Variants in PCDHA1 observed in about 807,000 individuals in gnomAD.
PCDHA1 encodes the protein protocadherin alpha 1, also known as protocadherin alpha-1.
Under a neutral mutation model 61.3 loss-of-function variants are expected in PCDHA1, and 42 were observed. The observed-to-expected ratio is 0.69, with a 90% CI of 0.54 to 0.89. PCDHA1 has a LOEUF of 0.89. Among genes scored for constraint, PCDHA1 ranks in the 40% least tolerant of loss-of-function variants. PCDHA1 has a pLI of 0.00. For missense variants in PCDHA1, 1,256 were observed against 1,235.3 expected (o/e 1.02, Z -0.25); for synonymous variants, 610 against 553.8 (o/e 1.10, Z -1.43).
chr5:140,808,751 C>T (rs782107494), intron 1 of PCDHA1: 1 of 1,612,214 alleles, frequency 6.2e-7, no homozygotes, highest in South Asian at 1.1e-5. Flanking sequence ...CGCGCTGCAG[C>T]CGCTGGACCA....
Position 140,787,112 on chromosome 5 carries a change from T to C in PCDHA1, c.822T>C (p.Asn274=). ...CCTCTGATGCTGACGAAGGTGTAAA[T>C]GGTGAAGTCGTCTTTTCCTTTGACA... ...LNASDADEGV[N]GEVVFSFDSG... is the part of the protein sequence containing the mutation. Residue 274 remains asparagine, a synonymous_variant, in exon 1 of 4, where the codon AAT becomes AAC. Transcript: ENST00000504120. 2.5e-6 allele frequency: 4 copies of C among 1,614,182 alleles called. No homozygotes were observed. The highest frequency in any genetic ancestry group is 2.5e-6 in the Non-Finnish European group (3 of 1,180,020).
chr5:140,928,798 G>A lies in PCDHA1; in HGVS notation c.2395-50151G>A, dbSNP rs1015507486. On this transcript the variant is annotated intron_variant, in intron 1 of 3. Transcript: ENST00000504120. ...TGATGCAGTTAAGCAGAGGGTGGTGGTAGTGGTTCGGGACCATGGAGACCC... is the reference window on the plus strand; with the variant it reads ...TGATGCAGTTAAGCAGAGGGTGGTGATAGTGGTTCGGGACCATGGAGACCC... 2.4e-5 allele frequency: 38 copies of A among 1,614,046 alleles called. No homozygotes were observed. Among genetic ancestry groups the A allele is most frequent in the Non-Finnish European group, 3.2e-5 (38 of 1,180,052 alleles).
intron 1 of PCDHA1, chr5:140,823,820 C>T (rs2150129375): frequency 1.2e-6 from 2 of 1,613,790 alleles, no homozygotes; most frequent in South Asian, 1.1e-5. Flanking sequence ...TCGCGGGCGT[C>T]GGCGGGCGCT....
At chr5:140,962,854 G>A (rs1396651838) in intron 1 of PCDHA1, among the ~76,000 whole-genome samples, 7 of 152,054 alleles carry the variant, frequency 4.6e-5, no homozygotes, top group African/African-American at 9.7e-5. Flanking sequence ...ACTTGTGCTC[G>A]GTTTGTAGAG....
At chr5:140,852,355 G>A in intron 1 of PCDHA1, 1 of 208,524 alleles carries the variant, frequency 4.8e-6, no homozygotes, top group Non-Finnish European at 9.3e-6. Context: ...TTGGCTCACT[G>A]CAACGTCTGC....
chr5:140,786,681 C>T lies in PCDHA1; in HGVS notation c.391C>T (p.Pro131Ser). 4 of 1,614,240 alleles carry T rather than the reference C, an allele frequency of 2.5e-6. No homozygotes were observed. The highest frequency in any genetic ancestry group is 3.4e-6 in the Non-Finnish European group (4 of 1,180,042). ...VKVKDINDNP[P>S]VFRGREQIIF... ...GGTGAAAGACATTAACGATAATCCA[C>T]CCGTCTTCAGGGGCAGAGAACAAAT... The change falls in exon 1 of 4, where the codon CCC becomes TCC. Residue 131 changes from proline (P) to serine (S), a missense_variant. Transcript: ENST00000504120.
intron 1 of PCDHA1, chr5:140,805,472 A>C: frequency 1.0e-6 from 1 of 1,002,384 alleles, no homozygotes; most frequent in Non-Finnish European, 1.2e-6. Context: ...TAGTTCTTCA[A>C]TAGAGAGGGA....
chr5:141,009,571 T>C, intron 3 of PCDHA1, 56 bp from the exon 4 acceptor site: 10 of 1,578,600 alleles, frequency 6.3e-6, no homozygotes, highest in Non-Finnish European at 7.7e-6. Context: ...ACCAGCAGTG[T>C]GGCATCAAGA....
intron 1 of PCDHA1, chr5:140,856,524 CG>C (rs2044059008): frequency 6.3e-7 from 1 of 1,598,296 alleles, no homozygotes; most frequent in African/African-American, 1.3e-5. Flanking sequence ...GCATCTGATG[CG>C]GATGTTGGAG....
chr5:140,966,712 TG>T, intron 1 of PCDHA1: 1 of 1,392,090 alleles, frequency 7.2e-7, no homozygotes, highest in South Asian at 1.6e-5. Context: ...GGGGCACGGC[TG>T]GGGAAGCTGC....
intron 1 of PCDHA1, among the ~76,000 whole-genome samples, chr5:140,911,064 T>C (rs2153516956): frequency 6.6e-6 from 1 of 152,226 alleles, no homozygotes; most frequent in African/African-American, 2.4e-5. Flanking sequence ...GGGTGGGTCC[T>C]GAGGAGAATC....
rs2150228376 is a variant in PCDHA1, at chr5:140,834,869, C to A, written c.2394+46185C>A. On this transcript the variant is annotated intron_variant, in intron 1 of 3. Transcript: ENST00000504120. ...TAGAGGGCGCGTCCGATGCAGATAT[C>A]GGGGAGAACGCCCTGCTCACTTACA... 5.6e-6 allele frequency: 9 copies of A among 1,609,116 alleles called. No homozygotes were observed. The African/African-American group carries it at 9.5e-5, about 17-fold the overall frequency.
intron 1 of PCDHA1, chr5:140,851,454 T>C: frequency 1.1e-6 from 1 of 899,244 alleles, no homozygotes; most frequent in Non-Finnish European, 1.4e-6. Flanking sequence ...ACTTTAGGAA[T>C]CAAATTATGT....
chr5:141,011,997 A>G lies in PCDHA1; in HGVS notation c.*2060A>G, dbSNP rs2098422641. ...TGTCTACTTTTAGCTTCATTCTCCCATATTTTGAAGGGTGTGTAACTTCAG... is the reference window on the plus strand; with the variant it reads ...TGTCTACTTTTAGCTTCATTCTCCCGTATTTTGAAGGGTGTGTAACTTCAG... On this transcript the variant is annotated 3_prime_UTR_variant, in exon 4 of 4. Coordinates refer to ENST00000504120, the MANE Select transcript of PCDHA1 (RefSeq NM_018900.4). 1 of 153,712 alleles carries G rather than the reference A, an allele frequency of 6.5e-6. No homozygotes were observed. Among genetic ancestry groups the G allele is most frequent in the Non-Finnish European group, 1.5e-5 (1 of 68,034 alleles). 9.5% of individuals were successfully genotyped at this position (153,712 alleles called of 1,614,324 possible).
intron 3 of PCDHA1, among the ~76,000 whole-genome samples, chr5:140,999,830 T>C (rs146250053): frequency 2.0e-5 from 3 of 152,238 alleles, no homozygotes; most frequent in Non-Finnish European, 4.4e-5. Context: ...GCTTTAAAAA[T>C]ATGCCAAGTG....
At chr5:140,830,022 G>C in intron 1 of PCDHA1, 1 of 1,613,860 alleles carries the variant, frequency 6.2e-7, no homozygotes, top group Non-Finnish European at 8.5e-7. Flanking sequence ...GACTCTCCGC[G>C]CCACCGGCTG....
intron 1 of PCDHA1, chr5:140,809,439 C>A (rs1187355294): frequency 6.2e-7 from 1 of 1,614,084 alleles, no homozygotes; most frequent in Non-Finnish European, 8.5e-7. Flanking sequence ...TGGTCATACT[C>A]GCAGCAGAGG....
intron 1 of PCDHA1, chr5:140,795,615 G>T: frequency 6.2e-7 from 1 of 1,614,138 alleles, no homozygotes; most frequent in Non-Finnish European, 8.5e-7. Context: ...CTACTGATGG[G>T]GGCAAACCTG....
chr5:140,911,343 C>G (rs1223805451), intron 1 of PCDHA1, among the ~76,000 whole-genome samples: 1 of 152,136 alleles, frequency 6.6e-6, no homozygotes, highest in African/African-American at 2.4e-5. Flanking sequence ...CAATCAATGC[C>G]CTCATTTCAA....
Sources: allele counts gnomAD v4.1 joint callset (sites outside exome capture counted in the v4.1 genomes callset), GRCh38; gene constraint gnomAD v4.1.1; transcripts MANE v1.5; gene names NCBI Gene and HGNC (gene_info 2026-07-23, HGNC 2026-07-21).